The following IFNAR1 variants were observed in gnomAD, a reference collection of about 807,000 sequenced individuals.
The protein encoded by IFNAR1 is interferon alpha/beta receptor 1.
IFNAR1 carries 47 observed loss-of-function variants against 62.1 expected under a neutral mutation model. That is an observed-to-expected ratio of 0.76 (90% CI 0.60 to 0.97). The LOEUF (loss-of-function observed/expected upper bound fraction) is 0.97. Ranked by LOEUF, IFNAR1 falls within the 50% of genes least tolerant of loss-of-function variation. The pLI, the probability that IFNAR1 is intolerant of heterozygous loss-of-function variation, is 0.00. For missense variants in IFNAR1, 638 were observed against 654.5 expected (o/e 0.97, Z 0.27); for synonymous variants, 219 against 226.9 (o/e 0.97, Z 0.31).
At position 33,357,927 on chromosome 21, in the gene IFNAR1, T is replaced by C. The variant is rs1006065507; in HGVS notation, c.*2378T>C. On this transcript the variant is annotated 3_prime_UTR_variant, in exon 11 of 11. Transcript: ENST00000270139. ...TGCCTGCCACCATTGCTTTTCAGAC[T>C]ACCACAACTCAATCATGCTGTCCAG... The C allele has an allele frequency of 6.6e-6, 1 of 152,270 alleles. No individual in the cohort carries two copies. Among genetic ancestry groups the C allele is most frequent in the African/African-American group, 2.4e-5 (1 of 41,456 alleles). 9.4% of individuals were successfully genotyped at this position (152,270 alleles called of 1,614,324 possible).
At position 33,353,680 on chromosome 21, in the gene IFNAR1, C is replaced by T; in HGVS notation, c.1337C>T (p.Ala446Val). ...TGGCTTATAGTTGGAATTTGTATTG[C>T]ATTATTTGCTCTCCCGTTTGTCATT... ...KIWLIVGICIALFALPFVIYA... is the reference protein window; with the variant it reads ...KIWLIVGICIVLFALPFVIYA... Residue 446 changes from alanine (A) to valine (V), a missense_variant, in exon 10 of 11, where the codon GCA becomes GTA. Transcript: ENST00000270139. 2 of 1,576,426 alleles carry T rather than the reference C, an allele frequency of 1.3e-6. No individual in the cohort carries two copies. The highest frequency in any genetic ancestry group is 1.2e-5 in the South Asian group (1 of 85,006).
chr21:33,349,143 C>A lies in IFNAR1; in HGVS notation c.841C>A (p.Pro281Thr). ...GNHLYKWKQI[P>T]DCENVKTTQC... Reference sequence around the variant, plus strand: ...CCATTTGTATAAATGGAAACAAATACCTGACTGTGAAAATGTCAAAACTAC... The same window carrying A: ...CCATTTGTATAAATGGAAACAAATAACTGACTGTGAAAATGTCAAAACTAC... Residue 281 changes from proline to threonine, a missense_variant, in exon 7 of 11, where the codon CCT becomes ACT. Physicochemically the swap from Pro to Thr is conservative, Grantham distance 38. Transcript: ENST00000270139. 6.2e-7 allele frequency: 1 copy of A among 1,612,880 alleles called. No individual in the cohort carries two copies. The highest frequency in any genetic ancestry group is 8.5e-7 in the Non-Finnish European group (1 of 1,179,252).
At chr21:33,344,757 C>CG (rs2083328311) in intron 5 of IFNAR1, among the ~76,000 whole-genome samples, 1 of 132,814 alleles carries the variant, frequency 7.5e-6, no homozygotes, top group Admixed American at 8.2e-5. Flanking sequence ...TGCATTCTTT[C>CG]TTTTTTACTT....
intron 1 of IFNAR1, among the ~76,000 whole-genome samples, chr21:33,325,440 G>T (rs2083117900): frequency 6.6e-6 from 1 of 152,198 alleles, no homozygotes; most frequent in African/African-American, 2.4e-5. Flanking sequence ...AAGTACCGCG[G>T]CTCCGCTGGT....
intron 1 of IFNAR1, among the ~76,000 whole-genome samples, chr21:33,327,502 G>T (rs577408829): frequency 6.6e-6 from 1 of 152,210 alleles, no homozygotes; most frequent in African/African-American, 2.4e-5. Context: ...AGGCCAGTCC[G>T]TGGAGGAGTG....
At chr21:33,345,434 C>CCAGGTCCTTGCA in intron 6 of IFNAR1, 74 bp downstream of exon 6, 2 of 816,096 alleles carry the variant, frequency 2.5e-6, no homozygotes, top group Non-Finnish European at 4.3e-6. Context: ...GCATCAGTCA[C>CCAGGTCCTTGCA]CAGGTCCTTG....
intron 1 of IFNAR1, chr21:33,334,797 G>T: frequency 2.4e-6 from 2 of 820,820 alleles, no homozygotes; most frequent in Non-Finnish European, 4.3e-6. Flanking sequence ...GCCATCAGTG[G>T]CTATCCTACC....
At chr21:33,345,111 A>G (rs2083333045) in intron 5 of IFNAR1, 135 bp from the exon 6 acceptor site, 2 of 573,358 alleles carry the variant, frequency 3.5e-6, no homozygotes, top group Admixed American at 3.5e-5. Context: ...ATGGCTGCAT[A>G]GTATTACATA....
chr21:33,353,036 T>C lies in IFNAR1; in HGVS notation c.1294+128T>C. 5.3e-6 allele frequency: 3 copies of C among 571,026 alleles called. No homozygotes were observed. The East Asian group carries it at 9.3e-5, about 18-fold the overall frequency. The allele number at this position is 571,026 out of a possible 1,614,324, so 35.4% of individuals were successfully genotyped here. ...AAAATATATAGAAAGAATGTTTTCT[T>C]CATGAACTACATGAATCAAAAGTAG... is the stretch of plus-strand genomic sequence containing the variant. On this transcript the variant is annotated intron_variant, in intron 9 of 10. Transcript: ENST00000270139.
At chr21:33,324,853 A>T, upstream of IFNAR1, 1 of 581,614 alleles carries the variant, frequency 1.7e-6, no homozygotes, top group Non-Finnish European at 3.1e-6. Context: ...CTAGGAGGAA[A>T]GGCGCGTGCG....
At chr21:33,336,713 C>G (rs1418161022) in intron 2 of IFNAR1, among the ~76,000 whole-genome samples, 1 of 150,338 alleles carries the variant, frequency 6.7e-6, no homozygotes, top group East Asian at 2.0e-4. Flanking sequence ...TTCCTATTAT[C>G]TCCATGATAT....
chr21:33,335,681 AC>A (rs2083227208), intron 2 of IFNAR1, 34 bp downstream of exon 2: 1 of 1,468,168 alleles, frequency 6.8e-7, no homozygotes, highest in Non-Finnish European at 9.1e-7. Flanking sequence ...TGTCAGAATG[AC>A]CTGAATAATT....
chr21:33,330,568 G>A (rs937335175), intron 1 of IFNAR1, among the ~76,000 whole-genome samples: 4 of 152,114 alleles, frequency 2.6e-5, no homozygotes, highest in African/African-American at 4.8e-5. Context: ...ATGTAGTCTG[G>A]GAGAGTGATG....
chr21:33,337,575 C>T (rs1383946158), intron 2 of IFNAR1, among the ~76,000 whole-genome samples: 2 of 152,134 alleles, frequency 1.3e-5, no homozygotes, highest in Non-Finnish European at 1.5e-5. Flanking sequence ...ATGAATCTCA[C>T]AGCTTCAGTA....
rs959260190 is a variant in IFNAR1, at chr21:33,355,742, G to A, written c.*193G>A. The A allele has an allele frequency of 1.2e-5, 4 of 326,578 alleles. No individual in the cohort carries two copies. The highest frequency in any genetic ancestry group is 8.7e-5 in the African/African-American group (4 of 46,114). The allele number at this position is 326,578 out of a possible 1,614,324, so 20.2% of individuals were successfully genotyped here. On this transcript the variant is annotated 3_prime_UTR_variant, in exon 11 of 11. Transcript: ENST00000270139. ...TTTAAAAATGAAATTACAGGCCCGG[G>A]CACGGTGGCTCACACCTGTAATCCC...
At position 33,357,530 on chromosome 21, in the gene IFNAR1, G is replaced by GTTTTTGTTTTTTTTTT. The variant is rs753779784; in HGVS notation, c.*1986_*1987insGTTTTTTTTTTTTTTT. 18 of 139,674 alleles carry GTTTTTGTTTTTTTTTT rather than the reference G, an allele frequency of 1.3e-4. No homozygotes were observed. Among genetic ancestry groups the GTTTTTGTTTTTTTTTT allele is most frequent in the African/African-American group, 4.3e-4 (16 of 37,284 alleles). 8.7% of individuals were successfully genotyped at this position (139,674 alleles called of 1,614,324 possible). ...ATTTTCATCTTTCTGACCAGAGGCT[G>GTTTTTGTTTTTTTTTT]TTTTTTTTTTTTTTTGAGACAGTCT... On this transcript the variant is annotated 3_prime_UTR_variant, in exon 11 of 11. Coordinates refer to ENST00000270139, the MANE Select transcript of IFNAR1 (RefSeq NM_000629.3).
rs528525839 is a variant in IFNAR1 at position 33,333,609 on chromosome 21, G to A, written c.77-1915G>A. On this transcript the variant is annotated intron_variant, in intron 1 of 10. Coordinates refer to ENST00000270139, the MANE Select transcript of IFNAR1 (RefSeq NM_000629.3). ...AAATTCCATACTTAAAGAGACTGGC[G>A]GAATATTTTTTTTTTTCTTTTTTTT... Among the ~76,000 whole-genome samples the A allele has an allele frequency of 2.3e-3, 324 of 141,484 alleles. 1 individual carries two copies. Among genetic ancestry groups the A allele is most frequent in the African/African-American group, 7.6e-3 (275 of 36,400 alleles). The allele number at this position is 141,484 out of a possible 152,430, so 92.8% of individuals were successfully genotyped here. A position where few individuals can be genotyped will look rare whatever the true frequency, so the allele number is the denominator to read the frequency against.
In IFNAR1 at chr21:33,334,813, A is replaced by G. The variant is rs538746675; in HGVS notation, c.77-711A>G. ...CCATCAGTGGCTATCCTACCACTCA[A>G]TTCATGACCCAGGTGGTGATCCAGG... On this transcript the variant is annotated intron_variant, in intron 1 of 10. Transcript: ENST00000270139. 1.2e-4 allele frequency: 109 copies of G among 885,880 alleles called. 1 individual carries two copies. The highest frequency in any genetic ancestry group is 9.8e-5 in the African/African-American group (6 of 60,932). 54.9% of individuals were successfully genotyped at this position (885,880 alleles called of 1,614,324 possible).
chr21:33,349,037 A>G, intron 6 of IFNAR1, 54 bp from the exon 7 acceptor site: 1 of 1,127,810 alleles, frequency 8.9e-7, no homozygotes, highest in African/African-American at 1.6e-5. Context: ...GTGTCTGGCA[A>G]TTGTAAATAC....
Sources: allele counts gnomAD v4.1 joint callset (sites outside exome capture counted in the v4.1 genomes callset), GRCh38; gene constraint gnomAD v4.1.1; transcripts MANE v1.5; gene names NCBI Gene and HGNC (gene_info 2026-07-23, HGNC 2026-07-21).